Variants in PPT2 observed in about 807,000 individuals in gnomAD.
PPT2 encodes lysosomal thioesterase PPT2.
Under a neutral mutation model 37.3 loss-of-function variants are expected in PPT2, and 20 were observed. The observed-to-expected ratio is 0.54, with a 90% confidence interval of 0.38 to 0.78. The LOEUF is 0.78. Ranked by LOEUF, PPT2 falls within the 30% of genes least tolerant of loss-of-function variation. PPT2 has a pLI of 0.00. For missense variants in PPT2, 270 were observed against 389.8 expected (o/e 0.69, Z 2.59); for synonymous variants, 135 against 159.1 (o/e 0.85, Z 1.14).
Position 32,163,098 on chromosome 6 carries a change from G to A in PPT2, c.*148G>A. The A allele has an allele frequency of 3.2e-6, 3 of 952,130 alleles. No individual in the cohort carries two copies. Among genetic ancestry groups the A allele is most frequent in the Non-Finnish European group, 1.5e-6 (1 of 646,670 alleles). 59.0% of individuals were successfully genotyped at this position (952,130 alleles called of 1,614,324 possible). On this transcript the variant is annotated 3_prime_UTR_variant, in exon 9 of 9. Transcript: ENST00000324816. ...TTAGTAGAGACGGGGTTTTAGTAGAGACTTGGCCTCCCAGAACCCCCTTCC... is the reference window on the plus strand; with the variant it reads ...TTAGTAGAGACGGGGTTTTAGTAGAAACTTGGCCTCCCAGAACCCCCTTCC...
At position 32,162,786 on chromosome 6, in the gene PPT2, G is replaced by A; in HGVS notation, c.766-21G>A. 5 of 1,611,576 alleles carry A rather than the reference G, an allele frequency of 3.1e-6. No individual in the cohort carries two copies. Among genetic ancestry groups the A allele is most frequent in the Non-Finnish European group, 3.4e-6 (4 of 1,178,688 alleles). Reference sequence around the variant, plus strand: ...TTGTGTCTCTCTTCCATGCTTCCACGCCCCTTCGACCACCTTGAAGGTTTA... The same window carrying A: ...TTGTGTCTCTCTTCCATGCTTCCACACCCCTTCGACCACCTTGAAGGTTTA... On this transcript the variant is annotated intron_variant, in intron 8 of 8. Coordinates refer to ENST00000324816, the MANE Select transcript of PPT2 (RefSeq NM_005155.7). The surrounding 1 kb of genome is among the most constrained non-coding windows in gnomAD (Gnocchi z 5.5).
intron 7 of PPT2, among the ~76,000 whole-genome samples, chr6:32,159,245 C>T (rs1554128236): frequency 6.6e-6 from 1 of 151,626 alleles, no homozygotes; most frequent in African/African-American, 2.4e-5. Flanking sequence ...ACTAGCCCGA[C>T]CAACATGGAG....
Position 32,154,854 on chromosome 6 carries a change from G to T in PPT2, c.183+77G>T. The T allele has an allele frequency of 6.5e-7, 1 of 1,548,046 alleles. No homozygotes were observed. The highest frequency in any genetic ancestry group is 8.8e-7 in the Non-Finnish European group (1 of 1,140,074). On this transcript the variant is annotated intron_variant, in intron 2 of 8. Transcript: ENST00000324816. The surrounding 1 kb of genome is among the most constrained non-coding windows in gnomAD (Gnocchi z 7.3). ...GGGGAGGGAGAGCGGGGAACTGAAA[G>T]CCACCCCTCTGGGCCTGCCCAGTTC...
At position 32,162,466 on chromosome 6, in the gene PPT2, C is replaced by T. The variant is rs908801345; in HGVS notation, c.711-102C>T. 10 of 1,206,312 alleles carry T rather than the reference C, an allele frequency of 8.3e-6. No individual in the cohort carries two copies. In the African/African-American group the frequency reaches 1.5e-4, roughly 18 times the overall value. The allele number at this position is 1,206,312 out of a possible 1,614,324, so 74.7% of individuals were successfully genotyped here. ...AACTCCTGGCCTCAGGTGATTTGCC[C>T]TCCTTGGCCTCCCAAAGTGCTGCAA... On this transcript the variant is annotated intron_variant, in intron 7 of 8. Coordinates refer to ENST00000324816, the MANE Select transcript of PPT2 (RefSeq NM_005155.7). The surrounding 1 kb of genome is among the most constrained non-coding windows in gnomAD (Gnocchi z 5.5).
At chr6:32,162,000 G>A (rs908501600) in intron 7 of PPT2, among the ~76,000 whole-genome samples, 8 of 152,162 alleles carry the variant, frequency 5.3e-5, no homozygotes, top group Non-Finnish European at 1.0e-4. Flanking sequence ...TTACAGGTGT[G>A]AGCCACCTCG....
In PPT2 at chr6:32,157,836, A is replaced by C. The variant is rs1050101666; in HGVS notation, c.626-4A>C. On this transcript the variant is annotated splice_region_variant and splice_polypyrimidine_tract_variant and intron_variant, in intron 6 of 8. Transcript: ENST00000324816. ...ACTCAGCCTCTCTTCTTCCCATCCT[A>C]CAGTATGGCGGAAGAACTTTCTGCG... 3.7e-6 allele frequency: 6 copies of C among 1,611,580 alleles called. No individual in the cohort carries two copies. In the Admixed American group the frequency reaches 8.3e-5, roughly 22 times the overall value.
chr6:32,159,577 G>A (rs1035200774), intron 7 of PPT2, among the ~76,000 whole-genome samples: 7 of 150,592 alleles, frequency 4.6e-5, no homozygotes, highest in African/African-American at 1.7e-4. Context: ...GTGAAGGCAG[G>A]ACATCTCTTA....
chr6:32,160,925 C>G (rs572100522), intron 7 of PPT2, among the ~76,000 whole-genome samples: 3 of 147,898 alleles, frequency 2.0e-5, no homozygotes, highest in Non-Finnish European at 4.5e-5. Flanking sequence ...GAGGCCAAGG[C>G]TGCAGTGAGC....
In PPT2 at chr6:32,154,315, A is replaced by G; in HGVS notation, c.-98A>G. 7.3e-7 allele frequency: 1 copy of G among 1,378,296 alleles called. No individual in the cohort carries two copies. The highest frequency in any genetic ancestry group is 9.3e-7 in the Non-Finnish European group (1 of 1,070,318). The allele number at this position is 1,378,296 out of a possible 1,614,324, so 85.4% of individuals were successfully genotyped here. On this transcript the variant is annotated 5_prime_UTR_variant, in exon 1 of 9. The change abolishes an upstream ATG in the 5' untranslated region. Transcript: ENST00000324816. This position sits in a 1 kb window ranked among gnomAD's most constrained non-coding sequence, Gnocchi z 7.3. ...GGTATTAAAGAACTCCGCGTTGTTC[A>G]TGGCTGAGGCGATGCATTAGGAAGA...
intron 7 of PPT2, among the ~76,000 whole-genome samples, chr6:32,158,502 T>A (rs1451139121): frequency 1.3e-5 from 2 of 152,196 alleles, no homozygotes; most frequent in Non-Finnish European, 2.9e-5. Context: ...CTGAGCTACT[T>A]GAATTGCTCA....
rs767666652 is a variant in PPT2 at position 32,154,591 on chromosome 6, G to A, written c.-4G>A. On this transcript the variant is annotated 5_prime_UTR_variant, in exon 2 of 9. Coordinates refer to ENST00000324816, the MANE Select transcript of PPT2 (RefSeq NM_005155.7). The surrounding 1 kb of genome is among the most constrained non-coding windows in gnomAD (Gnocchi z 7.3). Reference sequence around the variant, plus strand: ...CCCTTATCACCCCTTTCTCAGGCGGGAGCATGCTGGGGCTCTGCGGGCAGC... The same window carrying A: ...CCCTTATCACCCCTTTCTCAGGCGGAAGCATGCTGGGGCTCTGCGGGCAGC... The A allele has an allele frequency of 6.2e-7, 1 of 1,609,136 alleles. No individual in the cohort carries two copies. Among genetic ancestry groups the A allele is most frequent in the Admixed American group, 1.7e-5 (1 of 59,862 alleles).
intron 7 of PPT2, among the ~76,000 whole-genome samples, chr6:32,160,174 C>T (rs1264134940): frequency 6.7e-6 from 1 of 149,422 alleles, no homozygotes; most frequent in African/African-American, 2.5e-5. Context: ...CCTCCTGAGT[C>T]GCTGGGACTA....
rs750552624 is a variant in PPT2, at chr6:32,154,598, C to T, written c.4C>T (p.Leu2=). The T allele has an allele frequency of 1.3e-5, 21 of 1,610,458 alleles. No individual in the cohort carries two copies. Among genetic ancestry groups the T allele is most frequent in the African/African-American group, 2.7e-5 (2 of 74,874 alleles). Residue 2 remains leucine (L), a synonymous_variant, in exon 2 of 9, where the codon CTG becomes TTG. Coordinates refer to ENST00000324816, the MANE Select transcript of PPT2 (RefSeq NM_005155.7). The surrounding 1 kb of genome is among the most constrained non-coding windows in gnomAD (Gnocchi z 7.3). M[L]GLCGQRLPAA... ...CACCCCTTTCTCAGGCGGGAGCATG[C>T]TGGGGCTCTGCGGGCAGCGGCTCCC...
intron 7 of PPT2, among the ~76,000 whole-genome samples, chr6:32,159,161 G>A (rs1028853005): frequency 6.6e-6 from 1 of 152,016 alleles, no homozygotes; most frequent in Non-Finnish European, 1.5e-5. Flanking sequence ...TAGACTGGGT[G>A]TGGTGGCTCA....
rs747613803 is a variant in PPT2 at position 32,154,719 on chromosome 6, T to C, written c.125T>C (p.Val42Ala). The change falls in exon 2 of 9, where the codon GTG becomes GCG. Residue 42 changes from valine to alanine, a missense_variant. By Grantham distance (64) the Val-to-Ala change is moderately conservative. Coordinates refer to ENST00000324816, the MANE Select transcript of PPT2 (RefSeq NM_005155.7). This position sits in a 1 kb window ranked among gnomAD's most constrained non-coding sequence, Gnocchi z 7.3. The stretch of plus-strand genomic sequence containing the variant: ...GCGTCCTACAAGCCGGTCATCGTGG[T>C]GCATGGGCTCTTCGACAGCTCGTAC... ...HRASYKPVIV[V>A]HGLFDSSYSF... 6.2e-7 allele frequency: 1 copy of C among 1,613,172 alleles called. No homozygotes were observed. The highest frequency in any genetic ancestry group is 1.1e-5 in the South Asian group (1 of 91,086).
At position 32,155,786 on chromosome 6, in the gene PPT2, G is replaced by A; in HGVS notation, c.433+3G>A. 1.2e-6 allele frequency: 2 copies of A among 1,612,470 alleles called. No individual in the cohort carries two copies. The highest frequency in any genetic ancestry group is 1.7e-4 in the Middle Eastern group (1 of 6,060). Reference sequence around the variant, plus strand: ...TCCACAGATGGGACAGTATGGAGGTGAGTGGGCACTAGACTCCATAGAATG... The same window carrying A: ...TCCACAGATGGGACAGTATGGAGGTAAGTGGGCACTAGACTCCATAGAATG... On this transcript the variant is annotated splice_donor_region_variant and intron_variant, in intron 4 of 8. Transcript: ENST00000324816. The surrounding 1 kb of genome is among the most constrained non-coding windows in gnomAD (Gnocchi z 4.3).
intron 7 of PPT2, 101 bp downstream of exon 7, chr6:32,158,025 A>G: frequency 9.9e-7 from 1 of 1,006,592 alleles, no homozygotes; most frequent in Non-Finnish European, 1.5e-6. Flanking sequence ...TCCACTGTTC[A>G]GTTAGTGCTC....
chr6:32,156,339 C>T lies in PPT2; in HGVS notation c.541+361C>T, dbSNP rs1183383985. ...CAGGCTGGTCTCGAACTCCTGACCT[C>T]AGGTGATCCACTCGCCTCGGCCTCC... On this transcript the variant is annotated intron_variant, in intron 5 of 8. Transcript: ENST00000324816. This position sits in a 1 kb window ranked among gnomAD's most constrained non-coding sequence, Gnocchi z 4.9. Among the ~76,000 whole-genome samples the T allele has an allele frequency of 2.0e-5, 3 of 152,172 alleles. No individual in the cohort carries two copies. Among genetic ancestry groups the T allele is most frequent in the Non-Finnish European group, 4.4e-5 (3 of 68,034 alleles).
intron 6 of PPT2, 50 bp downstream of exon 6, chr6:32,157,770 C>T (rs897779409): frequency 4.5e-6 from 7 of 1,565,658 alleles, no homozygotes; most frequent in Non-Finnish European, 6.2e-6. Context: ...TCTTTGACTC[C>T]CTATGTCTCC....
Sources: gnomAD v4.1 joint callset for allele counts (sites outside exome capture counted in the v4.1 genomes callset) on GRCh38, gnomAD v4.1.1 for gene constraint, Gnocchi (gnomAD v3.1) non-coding constraint, MANE v1.5 for transcripts, NCBI Gene and HGNC (gene_info 2026-07-23, HGNC 2026-07-21) for gene names.